Variants in TLE5 observed in about 807,000 individuals in gnomAD.
TLE5 encodes the protein TLE family member 5, transcriptional modulator, also known as TLE family member 5.
Under a neutral mutation model 25.8 loss-of-function variants are expected in TLE5, and 7 were observed. The ratio of observed to expected loss-of-function variants is 0.27; its 90% confidence interval spans 0.15 to 0.51. TLE5 has a LOEUF of 0.51. Ranked by LOEUF, TLE5 falls within the 20% of genes least tolerant of loss-of-function variation. The pLI, the probability that TLE5 is intolerant of heterozygous loss-of-function variation, is 0.97. For missense variants in TLE5, 149 were observed against 250.7 expected (o/e 0.59, Z 2.74); for synonymous variants, 132 against 110.5 (o/e 1.20, Z -1.22).
At chr19:3,057,017 A>AC (rs770320419) in intron 3 of TLE5, among the ~76,000 whole-genome samples, 5 of 151,518 alleles carry the variant, frequency 3.3e-5, no homozygotes, top group Non-Finnish European at 7.4e-5. Flanking sequence ...CCTCTCTCTG[A>AC]CCCCAGCCCT....
At chr19:3,055,131 CTGCA>C (rs1203246749) in intron 5 of TLE5, 1 of 152,420 alleles carries the variant, frequency 6.6e-6, no homozygotes, top group Admixed American at 6.5e-5. Context: ...CTGCACATTC[CTGCA>C]TGCGTGTCCC....
At chr19:3,054,410 T>G (rs1489547247) in intron 5 of TLE5, 2 of 597,472 alleles carry the variant, frequency 3.3e-6, no homozygotes, top group Non-Finnish European at 6.0e-6. Context: ...CAGAGACAAA[T>G]GGAAAAGTGC....
rs2090261648 is a variant in TLE5 at position 3,061,020 on chromosome 19, T to C, written c.125+140A>G. 8.0e-6 allele frequency: 5 copies of C among 621,154 alleles called. No individual in the cohort carries two copies. The East Asian group carries it at 1.4e-4, about 17-fold the overall frequency. The allele number at this position is 621,154 out of a possible 1,614,324, so 38.5% of individuals were successfully genotyped here. A position where few individuals can be genotyped will look rare whatever the true frequency, so the allele number is the denominator to read the frequency against. On this transcript the variant is annotated intron_variant, in intron 2 of 6. Transcript: ENST00000327141. ...ATGGGGCTGTTTAAAATAAATGAATTCAGTATTTGTCAAGTGATTAGGTCA... is the reference window on the plus strand; with the variant it reads ...ATGGGGCTGTTTAAAATAAATGAATCCAGTATTTGTCAAGTGATTAGGTCA...
rs368788136 is a variant in TLE5 at position 3,053,764 on chromosome 19, C to A, written c.*55G>T. ...CTTGTGCTAAACATTCCTTTCTCTC[C>A]GTGCCTCTGTCTCCCCTCTGTCCCC... On this transcript the variant is annotated 3_prime_UTR_variant, in exon 7 of 7. Transcript: ENST00000327141. 1 of 1,549,826 alleles carries A rather than the reference C, an allele frequency of 6.5e-7. No homozygotes were observed. The highest frequency in any genetic ancestry group is 1.1e-5 in the South Asian group (1 of 87,924).
intron 5 of TLE5, chr19:3,054,432 A>G: frequency 1.7e-6 from 1 of 592,268 alleles, no homozygotes; most frequent in Non-Finnish European, 3.0e-6. Context: ...GAAAACAATT[A>G]AAAGGGTTTT....
chr19:3,054,086 T>TCCGGGGGGGG, intron 6 of TLE5, 34 bp downstream of exon 6: 1 of 1,512,812 alleles, frequency 6.6e-7, no homozygotes, highest in Non-Finnish European at 8.9e-7. Flanking sequence ...GGCCCACCTG[T>TCCGGGGGGGG]CCCCCGCCCA....
chr19:3,056,191 TGGCTTGGTGCCCAGCCGA>T (rs2090216105), intron 4 of TLE5, 103 bp downstream of exon 4: 1 of 534,530 alleles, frequency 1.9e-6, no homozygotes, highest in East Asian at 3.9e-5. Context: ...ATAACCGGGC[TGGCTTGGTGCCCAGCCGA>T]GGGCCGGCCG....
chr19:3,061,267 T>C lies in TLE5; in HGVS notation c.28-10A>G, dbSNP rs2090264095. 1.2e-6 allele frequency: 2 copies of C among 1,608,998 alleles called. No homozygotes were observed. Among genetic ancestry groups the C allele is most frequent in the Non-Finnish European group, 8.5e-7 (1 of 1,176,096 alleles). ...GTAGGTGCGAGGAGCCCTGTAGGGA[T>C]GGGGCGGCCCGGGTCAGGCCCAGGC... On this transcript the variant is annotated splice_polypyrimidine_tract_variant and intron_variant, in intron 1 of 6. Transcript: ENST00000327141.
intron 3 of TLE5, 167 bp from the exon 4 acceptor site, chr19:3,056,523 G>C: frequency 1.9e-4 from 104 of 560,016 alleles, no homozygotes; most frequent in Middle Eastern, 5.5e-4. Context: ...AAAGAGGAGG[G>C]AGAGACGCCC....
chr19:3,059,471 G>A (rs1285459232), intron 2 of TLE5, among the ~76,000 whole-genome samples: 3 of 152,296 alleles, frequency 2.0e-5, no homozygotes, highest in South Asian at 2.1e-4. Context: ...GCAGTGAGCC[G>A]AGATCGCGCC....
intron 3 of TLE5, 187 bp downstream of exon 3, chr19:3,057,474 ACCTCGGCCACTGCCTCGG>A: frequency 1.7e-6 from 1 of 575,018 alleles, no homozygotes; most frequent in South Asian, 2.1e-5. Context: ...GCGGTTTGGC[ACCTCGGCCACTGCCTCGG>A]CCATCTGCCA....
intron 2 of TLE5, among the ~76,000 whole-genome samples, chr19:3,060,524 G>A (rs1262392047): frequency 1.3e-5 from 2 of 151,688 alleles, no homozygotes; most frequent in African/African-American, 4.8e-5. Flanking sequence ...TAGAGACGGG[G>A]TTTCACCATG....
At chr19:3,060,909 A>T in intron 2 of TLE5, 1 of 295,278 alleles carries the variant, frequency 3.4e-6, no homozygotes, top group Non-Finnish European at 6.6e-6. Flanking sequence ...GGTATTGGGG[A>T]GGAGGGAGGG....
chr19:3,061,499 G>A (rs2090267650), intron 1 of TLE5: 2 of 321,340 alleles, frequency 6.2e-6, no homozygotes, highest in Non-Finnish European at 1.1e-5. Context: ...AGGCAGTGGG[G>A]GTGCGTTTTA....
upstream of TLE5, chr19:3,062,660 G>A (rs1407895198): frequency 3.8e-6 from 5 of 1,324,840 alleles, no homozygotes; most frequent in Non-Finnish European, 4.8e-6. Context: ...GGCCCGGCCC[G>A]CCCCCGCCCC....
At chr19:3,062,871 C>T (rs745855518), upstream of TLE5, 1 of 1,467,290 alleles carries the variant, frequency 6.8e-7, no homozygotes, top group Non-Finnish European at 9.3e-7. Flanking sequence ...GTTTCCTTTT[C>T]TGCAGAAAGG....
chr19:3,062,607 C>T, upstream of TLE5: 1 of 1,074,160 alleles, frequency 9.3e-7, no homozygotes, highest in Non-Finnish European at 1.1e-6. Flanking sequence ...CGGATCCCCA[C>T]GCCGGCCCGC....
At chr19:3,056,004 G>GC in intron 4 of TLE5, 1 of 518,988 alleles carries the variant, frequency 1.9e-6, no homozygotes, top group East Asian at 3.2e-5. Flanking sequence ...GGCCACTCAG[G>GC]CCCCTGGCAG....
chr19:3,061,105 G>A (rs1387897600), intron 2 of TLE5, 55 bp downstream of exon 2: 2 of 1,372,828 alleles, frequency 1.5e-6, no homozygotes, highest in Admixed American at 1.7e-5. Context: ...CTGCGCAGAA[G>A]AAATGGGGGG....
Sources: gnomAD v4.1 joint callset for allele counts (sites outside exome capture counted in the v4.1 genomes callset) on GRCh38, gnomAD v4.1.1 for gene constraint, MANE v1.5 for transcripts, NCBI Gene and HGNC (gene_info 2026-07-23, HGNC 2026-07-21) for gene names.